The following NKAIN2 variants were observed in gnomAD, a reference collection of about 807,000 sequenced individuals.
NKAIN2 encodes the protein sodium/potassium-transporting ATPase subunit beta-1-interacting protein 2.
A neutral mutation model predicts 32.6 loss-of-function variants in NKAIN2; 14 were observed. The ratio of observed to expected loss-of-function variants is 0.43; its 90% CI spans 0.28 to 0.67. The LOEUF (loss-of-function observed/expected upper bound fraction) is 0.67. Among genes scored for constraint, NKAIN2 ranks in the 30% least tolerant of loss-of-function variants. The pLI is 0.17. For missense variants in NKAIN2, 198 were observed against 258.3 expected (o/e 0.77, Z 1.60); for synonymous variants, 80 against 87.2 (o/e 0.92, Z 0.46).
intron 1 of NKAIN2, among the ~76,000 whole-genome samples, chr6:123,936,601 A>G (rs185056332): frequency 6.6e-6 from 1 of 152,258 alleles, no homozygotes; most frequent in Admixed American, 6.5e-5. Flanking sequence ...GAGTAATAAT[A>G]TAAAGATAAT....
rs116328264 is a variant in NKAIN2, at chr6:124,144,785, C to T, written c.55-138220C>T. On this transcript the variant is annotated intron_variant, in intron 1 of 6. Coordinates refer to ENST00000368417, the MANE Select transcript of NKAIN2 (RefSeq NM_001040214.3). ...ATGAAATAAATATGGATAAATTGGGCCTAATTAAAAAAAGTTTGCTCTGCA... is the reference window on the plus strand; with the variant it reads ...ATGAAATAAATATGGATAAATTGGGTCTAATTAAAAAAAGTTTGCTCTGCA... 5.2e-3 allele frequency among the ~76,000 whole-genome samples: 788 copies of T among 151,672 alleles called. 2 individuals carry two copies. The highest frequency in any genetic ancestry group is 0.018 in the African/African-American group (738 of 41,330).
chr6:123,911,809 A>ATATGTGTATATATATATATATG (rs1775210364), intron 1 of NKAIN2, among the ~76,000 whole-genome samples: 1 of 102,010 alleles, frequency 9.8e-6, no homozygotes, highest in African/African-American at 4.7e-5. Context: ...ATGTATATAT[A>ATATGTGTATATATATATATATG]TATACACACA....
chr6:124,287,925 T>C (rs1795632713), intron 2 of NKAIN2, among the ~76,000 whole-genome samples: 1 of 151,182 alleles, frequency 6.6e-6, no homozygotes, highest in African/African-American at 2.5e-5. Flanking sequence ...CAAATGTTGC[T>C]GTGTAACATG....
chr6:124,398,759 G>T (rs529267941), intron 3 of NKAIN2, among the ~76,000 whole-genome samples: 57 of 152,278 alleles, frequency 3.7e-4, no homozygotes, highest in African/African-American at 1.4e-3. Flanking sequence ...AAGCCTACTA[G>T]TTGATTAGTC....
At chr6:124,217,122 T>G (rs915380340) in intron 1 of NKAIN2, among the ~76,000 whole-genome samples, 7 of 152,162 alleles carry the variant, frequency 4.6e-5, no homozygotes, top group African/African-American at 1.7e-4. Context: ...AAGCTAAAAT[T>G]AATATCCTAA....
chr6:124,515,710 T>TTTCCCTTCTTTCTTTGTA (rs375898292), intron 3 of NKAIN2, among the ~76,000 whole-genome samples: 1 of 3,556 alleles, frequency 2.8e-4, no homozygotes, highest in Non-Finnish European at 7.1e-3. Context: ...TTCTTCGCTT[T>TTTCCCTTCTTTCTTTGTA]CTCTCCGTCT....
At chr6:124,436,970 T>C (rs1775474636) in intron 3 of NKAIN2, among the ~76,000 whole-genome samples, 1 of 152,180 alleles carries the variant, frequency 6.6e-6, no homozygotes, top group South Asian at 2.1e-4. Context: ...ACCCTGGCTT[T>C]CTACACTCCA....
At chr6:124,093,966 C>T (rs1020909031) in intron 1 of NKAIN2, among the ~76,000 whole-genome samples, 3 of 152,060 alleles carry the variant, frequency 2.0e-5, no homozygotes, top group African/African-American at 7.2e-5. Context: ...TTTTAAGGGC[C>T]TGATTTTAAC....
At chr6:123,880,448 G>A (rs887932384) in intron 1 of NKAIN2, among the ~76,000 whole-genome samples, 4 of 152,144 alleles carry the variant, frequency 2.6e-5, no homozygotes, top group African/African-American at 9.7e-5. Context: ...AGAGACCTTA[G>A]TTGCACGGAA....
chr6:124,457,222 C>T (rs897235019), intron 3 of NKAIN2, among the ~76,000 whole-genome samples: 7 of 151,932 alleles, frequency 4.6e-5, no homozygotes, highest in African/African-American at 1.7e-4. Context: ...GTTCTCTAGG[C>T]CTCAGTTTCC....
intron 3 of NKAIN2, among the ~76,000 whole-genome samples, chr6:124,603,482 A>G (rs541097296): frequency 6.6e-6 from 1 of 152,090 alleles, no homozygotes; most frequent in Admixed American, 6.6e-5. Context: ...ACCTATCAGG[A>G]GCCCATGTAA....
intron 3 of NKAIN2, among the ~76,000 whole-genome samples, chr6:124,614,868 G>T (rs1782825166): frequency 6.6e-6 from 1 of 152,136 alleles, no homozygotes; most frequent in Non-Finnish European, 1.5e-5. Flanking sequence ...ATTTGGTAAA[G>T]AATAACATCA....
chr6:124,443,425 C>T (rs9398754), intron 3 of NKAIN2, among the ~76,000 whole-genome samples: 99 of 152,206 alleles, frequency 6.5e-4, no homozygotes, highest in African/African-American at 2.1e-3. Flanking sequence ...TGTTTCTGAT[C>T]GCATATGACA....
intron 1 of NKAIN2, among the ~76,000 whole-genome samples, chr6:124,095,388 T>A (rs1278730155): frequency 1.3e-5 from 2 of 152,184 alleles, no homozygotes; most frequent in African/African-American, 4.8e-5. Context: ...TGAATCTGAA[T>A]AAGGCTTGCT....
At chr6:123,867,501 T>C (rs1200230941) in intron 1 of NKAIN2, among the ~76,000 whole-genome samples, 1 of 152,228 alleles carries the variant, frequency 6.6e-6, no homozygotes, top group African/African-American at 2.4e-5. Flanking sequence ...CTACTAAAAA[T>C]ACCATGAGAA....
intron 1 of NKAIN2, among the ~76,000 whole-genome samples, chr6:124,249,967 G>A (rs1403795383): frequency 6.6e-6 from 1 of 152,096 alleles, no homozygotes; most frequent in Non-Finnish European, 1.5e-5. Context: ...TAGGATAAGG[G>A]GGACAGGTGT....
At chr6:124,648,872 C>T (rs1784269604) in intron 3 of NKAIN2, among the ~76,000 whole-genome samples, 1 of 152,036 alleles carries the variant, frequency 6.6e-6, no homozygotes. Context: ...GGAGATTAAA[C>T]AACACATTCT....
chr6:124,271,333 C>T (rs55885657), intron 1 of NKAIN2, among the ~76,000 whole-genome samples: 7 of 152,308 alleles, frequency 4.6e-5, no homozygotes, highest in Admixed American at 1.3e-4. Context: ...TCTCCTGCCT[C>T]AGCCTCCCAA....
At chr6:123,960,368 C>T (rs963194017) in intron 1 of NKAIN2, among the ~76,000 whole-genome samples, 7 of 152,154 alleles carry the variant, frequency 4.6e-5, no homozygotes, top group African/African-American at 1.7e-4. Flanking sequence ...ACCTCTTCTC[C>T]TCTAGATTTT....
Sources: gnomAD v4.1 joint callset for allele counts (sites outside exome capture counted in the v4.1 genomes callset) on GRCh38, gnomAD v4.1.1 for gene constraint, MANE v1.5 for transcripts, NCBI Gene and HGNC (gene_info 2026-07-23, HGNC 2026-07-21) for gene names.